Variants in CCDC91 observed in about 807,000 individuals in gnomAD.
CCDC91 encodes coiled-coil domain-containing protein 91.
Under a neutral mutation model 63.2 loss-of-function variants are expected in CCDC91, and 48 were observed. That is an observed-to-expected ratio of 0.76 (90% CI 0.60 to 0.97). CCDC91 has a LOEUF of 0.97. Ranked by LOEUF, CCDC91 falls within the 50% of genes least tolerant of loss-of-function variation. The pLI, the probability that CCDC91 is intolerant of heterozygous loss-of-function variation, is 0.00. For synonymous variants in CCDC91, 167 were observed against 165.8 expected, an observed-to-expected ratio of 1.01 and a Z score of -0.06; for missense variants, 500 against 494.6, an observed-to-expected ratio of 1.01 and a Z score of -0.10.
chr12:28,512,090 T>G (rs1939439815), intron 12 of CCDC91, among the ~76,000 whole-genome samples: 1 of 151,822 alleles, frequency 6.6e-6, no homozygotes, highest in Admixed American at 6.6e-5. Context: ...TTCCAACCAC[T>G]TTTGCCTACT....
intron 8 of CCDC91, among the ~76,000 whole-genome samples, chr12:28,425,587 C>T (rs1948267548): frequency 6.6e-6 from 1 of 152,132 alleles, no homozygotes; most frequent in African/African-American, 2.4e-5. Context: ...CTCTGTTGTT[C>T]TATAGCAGTT....
At chr12:28,509,077 G>A (rs139005587) in intron 12 of CCDC91, among the ~76,000 whole-genome samples, 282 of 151,988 alleles carry the variant, frequency 1.9e-3, no homozygotes, top group African/African-American at 6.2e-3. Context: ...TCTATTTCAC[G>A]TAATGTGGAC....
At chr12:28,370,421 C>T (rs917198463) in intron 7 of CCDC91, among the ~76,000 whole-genome samples, 57 of 152,216 alleles carry the variant, frequency 3.7e-4, no homozygotes, top group African/African-American at 1.3e-3. Flanking sequence ...CAATAGGTTT[C>T]TCATCCTCCT....
chr12:28,497,300 T>C (rs1451000936), intron 12 of CCDC91, among the ~76,000 whole-genome samples: 1 of 151,516 alleles, frequency 6.6e-6, no homozygotes, highest in Non-Finnish European at 1.5e-5. Flanking sequence ...ATTGTAAGTA[T>C]AAAACTGAAG....
At chr12:28,247,001 A>G (rs186510968) in intron 1 of CCDC91, among the ~76,000 whole-genome samples, 1 of 152,242 alleles carries the variant, frequency 6.6e-6, no homozygotes, top group African/African-American at 2.4e-5. Flanking sequence ...GTAATACCTT[A>G]GAAGTCCTCT....
At chr12:28,373,290 G>T (rs75317865) in intron 7 of CCDC91, among the ~76,000 whole-genome samples, 1 of 152,078 alleles carries the variant, frequency 6.6e-6, no homozygotes, top group South Asian at 2.1e-4. Context: ...TATTTTGACT[G>T]TGATGTTTCT....
chr12:28,226,475 A>G (rs1289670014), intron 1 of CCDC91, among the ~76,000 whole-genome samples: 4 of 151,910 alleles, frequency 2.6e-5, no homozygotes, highest in Admixed American at 6.6e-5. Context: ...TTACTGACCT[A>G]TTTTCCTCTG....
At chr12:28,268,632 G>A (rs1272330504) in intron 3 of CCDC91, 1 of 984,062 alleles carries the variant, frequency 1.0e-6, no homozygotes, top group Non-Finnish European at 1.2e-6. Flanking sequence ...CCATTATTTT[G>A]GCCACAGAGC....
intron 8 of CCDC91, among the ~76,000 whole-genome samples, chr12:28,393,349 A>AACTACTTT (rs1217742287): frequency 6.6e-6 from 1 of 150,590 alleles, no homozygotes; most frequent in Non-Finnish European, 1.5e-5. Context: ...TGTTTTAGAG[A>AACTACTTT]ACTACTTTGT....
Position 28,343,933 on chromosome 12 carries a change from C to G in CCDC91, c.577-18505C>G, listed in dbSNP as rs143826658. 2.4e-3 allele frequency among the ~76,000 whole-genome samples: 366 copies of G among 152,150 alleles called. 12 individuals are homozygous for G. The East Asian group carries it at 0.062, about 26-fold the overall frequency. On this transcript the variant is annotated intron_variant, in intron 6 of 12. Transcript: ENST00000536442. Reference sequence around the variant, plus strand: ...AAGAGTGAGGTAATGTTTTTGCTGGCTTGCCAGCTACTTTTGCCAGGATAG... The same window carrying G: ...AAGAGTGAGGTAATGTTTTTGCTGGGTTGCCAGCTACTTTTGCCAGGATAG...
intron 1 of CCDC91, among the ~76,000 whole-genome samples, chr12:28,222,919 A>G (rs1944040602): frequency 6.6e-6 from 1 of 152,212 alleles, no homozygotes; most frequent in Non-Finnish European, 1.5e-5. Flanking sequence ...AAGGTTGAAG[A>G]CTATAGATAC....
chr12:28,200,681 C>T (rs1942162173), intron 1 of CCDC91, among the ~76,000 whole-genome samples: 1 of 151,978 alleles, frequency 6.6e-6, no homozygotes, highest in Admixed American at 6.5e-5. Flanking sequence ...CCTCTTTCTA[C>T]ACAGACACAG....
At chr12:28,513,598 G>A (rs1449363605) in intron 12 of CCDC91, among the ~76,000 whole-genome samples, 2 of 151,854 alleles carry the variant, frequency 1.3e-5, no homozygotes, top group African/African-American at 4.8e-5. Flanking sequence ...TACTCAACCT[G>A]TGTTCTCTTT....
intron 1 of CCDC91, among the ~76,000 whole-genome samples, chr12:28,198,008 CTGTTA>C (rs1941917695): frequency 6.6e-6 from 1 of 152,052 alleles, no homozygotes; most frequent in South Asian, 2.1e-4. Context: ...AAAATGAGCT[CTGTTA>C]TAATTCTGGT....
chr12:28,195,266 A>C (rs1282464413), intron 1 of CCDC91, among the ~76,000 whole-genome samples: 1 of 152,176 alleles, frequency 6.6e-6, no homozygotes, highest in African/African-American at 2.4e-5. Context: ...TTAGCTACAC[A>C]GAAAAGTTCT....
intron 6 of CCDC91, among the ~76,000 whole-genome samples, chr12:28,344,029 T>C (rs1342602578): frequency 6.6e-6 from 1 of 152,148 alleles, no homozygotes; most frequent in African/African-American, 2.4e-5. Flanking sequence ...TTTTCTGGTA[T>C]TTTAAATTCA....
At chr12:28,301,315 G>T (rs1169444206) in intron 3 of CCDC91, among the ~76,000 whole-genome samples, 2 of 151,448 alleles carry the variant, frequency 1.3e-5, no homozygotes, top group African/African-American at 4.8e-5. Context: ...TCCAGAGTCT[G>T]GAGATAATCA....
At chr12:28,490,869 C>T (rs559357563) in intron 12 of CCDC91, among the ~76,000 whole-genome samples, 3 of 151,838 alleles carry the variant, frequency 2.0e-5, no homozygotes, top group Admixed American at 1.3e-4. Flanking sequence ...CTTGAAAAAA[C>T]TTACTGACAT....
At chr12:28,353,054 G>A (rs1197762674) in intron 6 of CCDC91, among the ~76,000 whole-genome samples, 1 of 152,198 alleles carries the variant, frequency 6.6e-6, no homozygotes, top group African/African-American at 2.4e-5. Context: ...AGAACTTCTT[G>A]ATAATTTGCC....
Sources: allele counts gnomAD v4.1 joint callset (sites outside exome capture counted in the v4.1 genomes callset), GRCh38; gene constraint gnomAD v4.1.1; transcripts MANE v1.5; gene names NCBI Gene and HGNC (gene_info 2026-07-23, HGNC 2026-07-21).